The following LOX variants were observed in gnomAD, a reference collection of about 807,000 sequenced individuals.
The protein encoded by LOX is protein-lysine 6-oxidase.
LOX carries 12 observed loss-of-function variants against 50.5 expected under a neutral mutation model. The observed-to-expected ratio is 0.24, with a 90% CI of 0.15 to 0.38. The LOEUF (loss-of-function observed/expected upper bound fraction) is 0.38, where lower values mean the gene tolerates loss of function less well. Ranked by LOEUF, LOX falls within the 10% of genes least tolerant of loss-of-function variation. The pLI, the probability that LOX is intolerant of heterozygous loss-of-function variation, is 1.00. For synonymous variants in LOX, 254 were observed against 230.6 expected, an observed-to-expected ratio of 1.10 and a Z score of -0.92; for missense variants, 504 against 563.8, an observed-to-expected ratio of 0.89 and a Z score of 1.07.
intron 3 of LOX, chr5:122,075,177 T>C: frequency 2.4e-6 from 1 of 420,386 alleles, no homozygotes; most frequent in East Asian, 3.8e-5. Context: ...TCAATTGCTG[T>C]ATCCTATCAA....
chr5:122,070,050 T>C lies in LOX; in HGVS notation c.1247+3A>G, dbSNP rs762161487. Reference sequence around the variant, plus strand: ...ATTACTTAGCTAAGCAAATAACACTTACGGTGAAATTGTGCAGCCTGAGGC... The same window carrying C: ...ATTACTTAGCTAAGCAAATAACACTCACGGTGAAATTGTGCAGCCTGAGGC... On this transcript the variant is annotated splice_donor_region_variant and intron_variant, in intron 6 of 6. Transcript: ENST00000231004. 6.3e-7 allele frequency: 1 copy of C among 1,595,472 alleles called. No individual in the cohort carries two copies. The highest frequency in any genetic ancestry group is 1.1e-5 in the South Asian group (1 of 90,704).
chr5:122,070,125 G>A lies in LOX; in HGVS notation c.1175C>T (p.Thr392Ile). The change falls in exon 6 of 7, where the codon ACC becomes ATC. Residue 392 changes from threonine to isoleucine, a missense_variant. Coordinates refer to ENST00000231004, the MANE Select transcript of LOX (RefSeq NM_002317.7). ...PSYLVPESDY[T>I]NNVVRCDIRY... ...AATGTCACAGCGCACAACATTGTTG[G>A]TATAGTCAGATTCAGGAACCAGGTA... The A allele has an allele frequency of 6.2e-7, 1 of 1,613,208 alleles. No homozygotes were observed. The highest frequency in any genetic ancestry group is 8.5e-7 in the Non-Finnish European group (1 of 1,179,338).
At chr5:122,074,211 C>T (rs778698143) in intron 3 of LOX, 42 bp from the exon 4 acceptor site, 2 of 1,556,372 alleles carry the variant, frequency 1.3e-6, no homozygotes, top group East Asian at 2.3e-5. Context: ...CAGTTACATA[C>T]AGAGAAAGCA....
rs2956539 is a variant in LOX, at chr5:122,078,228, G to C, written c.-243C>G. 3 of 411,828 alleles carry C rather than the reference G, an allele frequency of 7.3e-6. No individual in the cohort carries two copies. The highest frequency in any genetic ancestry group is 1.3e-5 in the Non-Finnish European group (3 of 237,250). The allele number at this position is 411,828 out of a possible 1,614,324, so 25.5% of individuals were successfully genotyped here. A position where few individuals can be genotyped will look rare whatever the true frequency, so the allele number is the denominator to read the frequency against. On this transcript the variant is annotated 5_prime_UTR_variant, in exon 1 of 7. Transcript: ENST00000231004. The stretch of plus-strand genomic sequence containing the variant: ...TCAGTCCTGGAAGGCAACGGGGAGC[G>C]GCGCGGCAGTCCCGGAGAGCGGGCA...
Position 122,077,076 on chromosome 5 carries a change from G to A in LOX, c.632-75C>T. The A allele has an allele frequency of 1.9e-6, 3 of 1,578,812 alleles. No homozygotes were observed. The highest frequency in any genetic ancestry group is 2.3e-5 in the South Asian group (2 of 88,536). Reference sequence around the variant, plus strand: ...CCGCTCCAACTCCCTACCCCTCTAGGTCCCTTACTCCTCACCCTTCGCCCA... The same window carrying A: ...CCGCTCCAACTCCCTACCCCTCTAGATCCCTTACTCCTCACCCTTCGCCCA... On this transcript the variant is annotated intron_variant, in intron 1 of 6. Coordinates refer to ENST00000231004, the MANE Select transcript of LOX (RefSeq NM_002317.7). The surrounding 1 kb of genome is among the most constrained non-coding windows in gnomAD (Gnocchi z 4.9).
rs575026013 is a variant in LOX at position 122,077,670 on chromosome 5, T to G, written c.316A>C (p.Thr106Pro). 2.3e-5 allele frequency: 37 copies of G among 1,604,604 alleles called. No individual in the cohort carries two copies. The South Asian group carries it at 2.6e-4, about 11-fold the overall frequency. The change falls in exon 1 of 7, where the codon ACG becomes CCG. Residue 106 changes from threonine to proline, a missense_variant. Coordinates refer to ENST00000231004, the MANE Select transcript of LOX (RefSeq NM_002317.7). The surrounding 1 kb of genome is among the most constrained non-coding windows in gnomAD (Gnocchi z 4.9). ...DNRTAAARTR[T>P]AGSSGVTAGR... ...GCGGTGACTCCAGATGAGCCGGCCGTCCGCGTTCGCGCCGCGGCGGTGCGG... is the reference window on the plus strand; with the variant it reads ...GCGGTGACTCCAGATGAGCCGGCCGGCCGCGTTCGCGCCGCGGCGGTGCGG...
chr5:122,077,314 C>G lies in LOX; in HGVS notation c.631+41G>C, dbSNP rs750377975. On this transcript the variant is annotated intron_variant, in intron 1 of 6. Transcript: ENST00000231004. This position sits in a 1 kb window ranked among gnomAD's most constrained non-coding sequence, Gnocchi z 4.9. ...CGTCGAGAAGCCACATAGCTGGGGA[C>G]CAGGTGCACGGGTGCTTCCAGCGGA... is the stretch of plus-strand genomic sequence containing the variant. 1.4e-5 allele frequency: 23 copies of G among 1,612,168 alleles called. No individual in the cohort carries two copies. Among genetic ancestry groups the G allele is most frequent in the East Asian group, 2.2e-5 (1 of 44,840 alleles).
intron 6 of LOX, among the ~76,000 whole-genome samples, chr5:122,068,799 C>T (rs1442925865): frequency 6.6e-6 from 1 of 151,670 alleles, no homozygotes; most frequent in African/African-American, 2.4e-5. Flanking sequence ...ACAAACAGTA[C>T]AAAAATGAGA....
Position 122,076,940 on chromosome 5 carries a change from C to T in LOX, c.693G>A (p.Met231Ile). 2 of 1,613,928 alleles carry T rather than the reference C, an allele frequency of 1.2e-6. No homozygotes were observed. The highest frequency in any genetic ancestry group is 1.7e-6 in the Non-Finnish European group (2 of 1,179,986). The change falls in exon 2 of 7, where the codon ATG becomes ATA. Residue 231 changes from methionine to isoleucine, a missense_variant. Met to Ile is a conservative substitution (Grantham distance 10). This residue lies in a region of LOX where 398 missense variants were observed against 365.8 expected (regional missense o/e 1.09). Coordinates refer to ENST00000231004, the MANE Select transcript of LOX (RefSeq NM_002317.7). Reference protein sequence around the residue: ...YIQASTYVQKMSMYNLRCAAE... With the variant: ...YIQASTYVQKISMYNLRCAAE... The stretch of plus-strand genomic sequence containing the variant: ...CCGCGCATCTCAGGTTGTACATGGA[C>T]ATCTTCTGCACGTACGTGGACGCCT...
chr5:122,072,111 A>G (rs148516419), intron 4 of LOX, among the ~76,000 whole-genome samples: 177 of 152,322 alleles, frequency 1.2e-3, no homozygotes, highest in Middle Eastern at 3.4e-3. Flanking sequence ...TACTACCACA[A>G]TGTTCATGAC....
intron 4 of LOX, 22 bp from the exon 5 acceptor site, chr5:122,070,611 A>C: frequency 1.5e-6 from 2 of 1,327,864 alleles, no homozygotes; most frequent in Non-Finnish European, 2.1e-6. Flanking sequence ...AAAATAAAAA[A>C]TTTAAAATTA....
intron 4 of LOX, among the ~76,000 whole-genome samples, chr5:122,073,131 G>A (rs751888122): frequency 1.2e-4 from 18 of 152,136 alleles, no homozygotes; most frequent in Non-Finnish European, 2.5e-4. Context: ...TGCTTCCCAA[G>A]ATGCCAACTG....
At position 122,077,555 on chromosome 5, in the gene LOX, T is replaced by G. The variant is rs1358871918; in HGVS notation, c.431A>C (p.Asn144Thr). The change falls in exon 1 of 7, where the codon AAC becomes ACC. Residue 144 changes from asparagine (N) to threonine (T), a missense_variant. Asn to Thr is a moderately conservative substitution (Grantham distance 65). This residue lies in a region of LOX where 398 missense variants were observed against 365.8 expected (regional missense o/e 1.09). Coordinates refer to ENST00000231004, the MANE Select transcript of LOX (RefSeq NM_002317.7). The surrounding 1 kb of genome is among the most constrained non-coding windows in gnomAD (Gnocchi z 4.9). ...AGGAACTTCTCCCGGCGCTGTCTGG[T>G]TCTCCGCGCGCGAGGCGCCAGCTTC... The part of the protein sequence containing the change: ...AREAGASRAE[N>T]QTAPGEVPAL... 6.2e-7 allele frequency: 1 copy of G among 1,613,140 alleles called. No individual in the cohort carries two copies. Among genetic ancestry groups the G allele is most frequent in the African/African-American group, 1.3e-5 (1 of 74,938 alleles).
At chr5:122,076,762 C>CGTCCCACTTCCCAGCTCTT (rs1754648662) in intron 2 of LOX, 131 bp downstream of exon 2, 2 of 706,148 alleles carry the variant, frequency 2.8e-6, no homozygotes, top group Non-Finnish European at 4.8e-6. Flanking sequence ...CAGGAGGTCA[C>CGTCCCACTTCCCAGCTCTT]GTCCCACTTC....
In LOX at chr5:122,065,253, G is replaced by A. The variant is rs1299711643; in HGVS notation, c.*1490C>T. On this transcript the variant is annotated 3_prime_UTR_variant, in exon 7 of 7. Transcript: ENST00000231004. Reference sequence around the variant, plus strand: ...GAGTGCAGAATGATTACTAGTAATTGATGTTGACTTTACAATTCTATGACA... The same window carrying A: ...GAGTGCAGAATGATTACTAGTAATTAATGTTGACTTTACAATTCTATGACA... The A allele has an allele frequency of 6.6e-6, 1 of 152,024 alleles. No homozygotes were observed. The highest frequency in any genetic ancestry group is 6.6e-5 in the Admixed American group (1 of 15,256). The allele number at this position is 152,024 out of a possible 1,614,324, so 9.4% of individuals were successfully genotyped here. A position where few individuals can be genotyped will look rare whatever the true frequency, so the allele number is the denominator to read the frequency against.
At chr5:122,075,199 A>G in intron 3 of LOX, 1 of 484,364 alleles carries the variant, frequency 2.1e-6, no homozygotes, top group African/African-American at 1.9e-5. Context: ...AGCTTTAATA[A>G]GCTGGGCTTC....
At position 122,077,068 on chromosome 5, in the gene LOX, C is replaced by T; in HGVS notation, c.632-67G>A. ...GGCGCCCCCCGCTCCAACTCCCTAC[C>T]CCTCTAGGTCCCTTACTCCTCACCC... On this transcript the variant is annotated intron_variant, in intron 1 of 6. Coordinates refer to ENST00000231004, the MANE Select transcript of LOX (RefSeq NM_002317.7). This position sits in a 1 kb window ranked among gnomAD's most constrained non-coding sequence, Gnocchi z 4.9. 2 of 1,584,400 alleles carry T rather than the reference C, an allele frequency of 1.3e-6. No homozygotes were observed. Among genetic ancestry groups the T allele is most frequent in the Non-Finnish European group, 8.6e-7 (1 of 1,169,434 alleles).
Position 122,077,123 on chromosome 5 carries a change from G to C in LOX, c.632-122C>G, listed in dbSNP as rs1754661404. Reference sequence around the variant, plus strand: ...CCCACCGGGACTGCAGAGTGGAGCGGAGGACAGCAAGAGAACTGGGGACGC... The same window carrying C: ...CCCACCGGGACTGCAGAGTGGAGCGCAGGACAGCAAGAGAACTGGGGACGC... On this transcript the variant is annotated intron_variant, in intron 1 of 6. Coordinates refer to ENST00000231004, the MANE Select transcript of LOX (RefSeq NM_002317.7). This position sits in a 1 kb window ranked among gnomAD's most constrained non-coding sequence, Gnocchi z 4.9. 16 of 1,489,990 alleles carry C rather than the reference G, an allele frequency of 1.1e-5. No individual in the cohort carries two copies. Among genetic ancestry groups the C allele is most frequent in the Non-Finnish European group, 1.4e-5 (16 of 1,125,224 alleles). The allele number at this position is 1,489,990 out of a possible 1,614,324, so 92.3% of individuals were successfully genotyped here. A position where few individuals can be genotyped will look rare whatever the true frequency, so the allele number is the denominator to read the frequency against.
At chr5:122,067,039 C>T (rs2152585073) in intron 6 of LOX, among the ~76,000 whole-genome samples, 1 of 152,256 alleles carries the variant, frequency 6.6e-6, no homozygotes, top group Admixed American at 6.5e-5. Context: ...GGACCAGCAT[C>T]CCTGACCAGG....
Sources: allele counts gnomAD v4.1 joint callset (sites outside exome capture counted in the v4.1 genomes callset), GRCh38; gene constraint gnomAD v4.1.1; regional missense constraint gnomAD v4.1.1; non-coding constraint Gnocchi (gnomAD v3.1); transcripts MANE v1.5; gene names NCBI Gene and HGNC (gene_info 2026-07-23, HGNC 2026-07-21).